Variants in DCC observed in about 807,000 individuals in gnomAD.
DCC encodes the protein DCC netrin 1 receptor.
DCC carries 58 observed loss-of-function variants against 172.5 expected under a neutral mutation model. That is an observed-to-expected ratio of 0.34 (90% CI 0.27 to 0.42). The LOEUF (loss-of-function observed/expected upper bound fraction) is 0.42. DCC is among the 10% of genes least tolerant of loss of function. The pLI is 1.00. For missense variants in DCC, 1,740 were observed against 1,791.0 expected (o/e 0.97, Z 0.51); for synonymous variants, 709 against 644.5 (o/e 1.10, Z -1.52).
intron 1 of DCC, among the ~76,000 whole-genome samples, chr18:52,644,142 G>A (rs1044329736): frequency 3.9e-5 from 6 of 152,170 alleles, no homozygotes; most frequent in African/African-American, 9.7e-5. Context: ...GTCTGTTTGG[G>A]CTGTGGTATG....
rs1911589867 is a variant in DCC at position 53,431,246 on chromosome 18, ATTTGCT to A, written c.3164-3894_3164-3889del. ...AAATCTAAGGTAAAAGTAGAAAATC[ATTTGCT>A]TTTATTATCAAAACTTTGGCAGAAG... On this transcript the variant is annotated intron_variant, in intron 21 of 28. Transcript: ENST00000442544. Among the ~76,000 whole-genome samples the A allele has an allele frequency of 2.7e-5, 4 of 147,246 alleles. No individual in the cohort carries two copies. In the Admixed American group the frequency reaches 2.8e-4, roughly 10 times the overall value.
At chr18:52,635,257 T>C (rs1021750725) in intron 1 of DCC, among the ~76,000 whole-genome samples, 4 of 152,236 alleles carry the variant, frequency 2.6e-5, no homozygotes, top group African/African-American at 9.6e-5. Context: ...CAAATATTGC[T>C]TTCCATAGCT....
chr18:53,238,690 A>G (rs181544528), intron 12 of DCC, among the ~76,000 whole-genome samples: 148 of 152,270 alleles, frequency 9.7e-4, no homozygotes, highest in African/African-American at 3.2e-3. Flanking sequence ...CATTGCAACT[A>G]AGGAACTCAG....
At chr18:52,586,569 T>A (rs1456629268) in intron 1 of DCC, among the ~76,000 whole-genome samples, 1 of 152,158 alleles carries the variant, frequency 6.6e-6, no homozygotes, top group South Asian at 2.1e-4. Flanking sequence ...CATTCCTTCC[T>A]CTGGAACTAA....
At chr18:52,744,205 A>G (rs2036871500) in intron 1 of DCC, among the ~76,000 whole-genome samples, 1 of 152,206 alleles carries the variant, frequency 6.6e-6, no homozygotes, top group African/African-American at 2.4e-5. Context: ...TTTATACTAA[A>G]ATTTATACTA....
chr18:52,410,614 G>A (rs1986812352), intron 1 of DCC, among the ~76,000 whole-genome samples: 1 of 152,078 alleles, frequency 6.6e-6, no homozygotes, highest in African/African-American at 2.4e-5. Flanking sequence ...TCGGAGATGT[G>A]GCAGGTAGGG....
intron 5 of DCC, among the ~76,000 whole-genome samples, chr18:52,935,729 G>A (rs900429921): frequency 6.6e-6 from 1 of 152,068 alleles, no homozygotes; most frequent in Non-Finnish European, 1.5e-5. Context: ...CTTGCTGGTA[G>A]ATCAACCATG....
At chr18:52,644,174 A>C (rs2034964798) in intron 1 of DCC, among the ~76,000 whole-genome samples, 1 of 152,208 alleles carries the variant, frequency 6.6e-6, no homozygotes, top group Admixed American at 6.5e-5. Flanking sequence ...TTATACAGCC[A>C]AAACAGATGA....
At chr18:53,029,256 G>A (rs914130927) in intron 5 of DCC, among the ~76,000 whole-genome samples, 9 of 152,110 alleles carry the variant, frequency 5.9e-5, no homozygotes, top group African/African-American at 1.9e-4. Context: ...ACAGATATAT[G>A]GGGGATTAAT....
At chr18:52,742,629 C>T (rs1176101120) in intron 1 of DCC, among the ~76,000 whole-genome samples, 1 of 152,128 alleles carries the variant, frequency 6.6e-6, no homozygotes, top group Non-Finnish European at 1.5e-5. Context: ...GTTTCAATTG[C>T]ATTTTGTCAA....
intron 2 of DCC, among the ~76,000 whole-genome samples, chr18:52,805,576 AAGAT>A (rs1484415004): frequency 2.0e-5 from 3 of 152,220 alleles, no homozygotes; most frequent in Non-Finnish European, 4.4e-5. Flanking sequence ...AGGTTATAGA[AAGAT>A]ATTTTAAAAA....
chr18:52,505,113 G>GT (rs1319321115), intron 1 of DCC, among the ~76,000 whole-genome samples: 3 of 152,110 alleles, frequency 2.0e-5, no homozygotes, highest in African/African-American at 7.2e-5. Flanking sequence ...ATCAGAGAAC[G>GT]TATCAACTTG....
intron 8 of DCC, among the ~76,000 whole-genome samples, chr18:53,164,696 G>T (rs907350337): frequency 7.2e-5 from 11 of 152,134 alleles, no homozygotes; most frequent in Non-Finnish European, 1.6e-4. Flanking sequence ...CTTGCTCTTT[G>T]GTGCACCCAC....
intron 5 of DCC, among the ~76,000 whole-genome samples, chr18:53,009,984 A>C (rs1421290189): frequency 6.6e-6 from 1 of 152,012 alleles, no homozygotes; most frequent in Non-Finnish European, 1.5e-5. Context: ...TGCATGTGAC[A>C]GATGTTTTTA....
At chr18:52,454,279 G>A (rs186373323) in intron 1 of DCC, among the ~76,000 whole-genome samples, 3 of 152,284 alleles carry the variant, frequency 2.0e-5, no homozygotes, top group Admixed American at 6.5e-5. Context: ...CATAGGAGCT[G>A]TGAAAGCAAA....
chr18:52,380,852 G>C (rs569842489), intron 1 of DCC, among the ~76,000 whole-genome samples: 1 of 152,118 alleles, frequency 6.6e-6, no homozygotes, highest in South Asian at 2.1e-4. Flanking sequence ...TGTAGCATGG[G>C]GACTCTGCAG....
chr18:52,973,858 G>A (rs1057189536), intron 5 of DCC, among the ~76,000 whole-genome samples: 2 of 152,044 alleles, frequency 1.3e-5, no homozygotes, highest in African/African-American at 4.8e-5. Context: ...CATTTCTATA[G>A]GAGTGATAAA....
intron 12 of DCC, among the ~76,000 whole-genome samples, chr18:53,256,103 C>A (rs1382236463): frequency 5.3e-5 from 8 of 152,048 alleles, no homozygotes; most frequent in Non-Finnish European, 1.0e-4. Flanking sequence ...ATTGTAGATT[C>A]TGGATATTAG....
intron 5 of DCC, among the ~76,000 whole-genome samples, chr18:52,930,282 G>A (rs1295842449): frequency 6.6e-6 from 1 of 151,928 alleles, no homozygotes; most frequent in Non-Finnish European, 1.5e-5. Flanking sequence ...TTATATTGTG[G>A]AACATTATCA....
Sources: gnomAD v4.1 joint callset for allele counts (sites outside exome capture counted in the v4.1 genomes callset) on GRCh38, gnomAD v4.1.1 for gene constraint, MANE v1.5 for transcripts, NCBI Gene and HGNC (gene_info 2026-07-23, HGNC 2026-07-21) for gene names.